The following LGI2 variants were observed in gnomAD, a reference collection of about 807,000 sequenced individuals.
The protein encoded by LGI2 is leucine-rich repeat LGI family member 2.
A neutral mutation model predicts 52.0 loss-of-function variants in LGI2; 30 were observed. The observed-to-expected ratio is 0.58, with a 90% CI of 0.43 to 0.78. The LOEUF (loss-of-function observed/expected upper bound fraction) is 0.78, where lower values mean the gene tolerates loss of function less well. Ranked by LOEUF, LGI2 falls within the 30% of genes least tolerant of loss-of-function variation. LGI2 has a pLI of 0.00. For synonymous variants in LGI2, 270 were observed against 271.8 expected, an observed-to-expected ratio of 0.99 and a Z score of 0.06; for missense variants, 573 against 692.5, an observed-to-expected ratio of 0.83 and a Z score of 1.94.
chr4:24,998,734 CAG>C (rs1288757147), downstream of LGI2: 1 of 152,132 alleles, frequency 6.6e-6, no homozygotes, highest in Non-Finnish European at 1.5e-5. Flanking sequence ...TCCATCTAAA[CAG>C]AGAGTGAGCT....
intron 6 of LGI2, among the ~76,000 whole-genome samples, chr4:25,013,764 T>C (rs543071626): frequency 5.9e-5 from 9 of 152,322 alleles, no homozygotes; most frequent in African/African-American, 2.2e-4. Flanking sequence ...TAGTATTCAG[T>C]TGCCTACTTG....
chr4:25,017,902 C>T lies in LGI2; in HGVS notation c.655+87G>A, dbSNP rs922883479. 2.8e-4 allele frequency: 334 copies of T among 1,203,248 alleles called. 2 individuals are homozygous for T. Among genetic ancestry groups the T allele is most frequent in the Admixed American group, 3.3e-4 (12 of 36,410 alleles). The allele number at this position is 1,203,248 out of a possible 1,614,324, so 74.5% of individuals were successfully genotyped here. On this transcript the variant is annotated intron_variant, in intron 6 of 7. Transcript: ENST00000382114. ...ATTTTGATAAACAGTTCTATATTCA[C>T]TTTTCCCCAGTCTCTGTTGACAGTG...
At chr4:24,997,879 G>A (rs957359072), downstream of LGI2, among the ~76,000 whole-genome samples, 4 of 147,550 alleles carry the variant, frequency 2.7e-5, no homozygotes, top group Non-Finnish European at 4.5e-5. Flanking sequence ...TTGTGATGCA[G>A]AACATTTTTT....
At chr4:25,027,076 T>G (rs1019543932) in intron 2 of LGI2, 137 bp from the exon 3 acceptor site, 1 of 664,694 alleles carries the variant, frequency 1.5e-6, no homozygotes, top group South Asian at 1.9e-5. Context: ...CACATTTTGT[T>G]GTCAAAAACC....
rs1363695038 is a variant in LGI2 at position 25,000,550 on chromosome 4, T to C, written c.*2901A>G. ...ATGTCTAAGAGTTATTTTTAGAGTCTTGATAATAGACCCATTCCCGACCCC... is the reference window on the plus strand; with the variant it reads ...ATGTCTAAGAGTTATTTTTAGAGTCCTGATAATAGACCCATTCCCGACCCC... On this transcript the variant is annotated 3_prime_UTR_variant, in exon 8 of 8. Coordinates refer to ENST00000382114, the MANE Select transcript of LGI2 (RefSeq NM_018176.4). 1 of 152,264 alleles carries C rather than the reference T, an allele frequency of 6.6e-6. No homozygotes were observed. Among genetic ancestry groups the C allele is most frequent in the African/African-American group, 2.4e-5 (1 of 41,464 alleles). 9.4% of individuals were successfully genotyped at this position (152,264 alleles called of 1,614,324 possible).
rs75338876 is a variant in LGI2 at position 25,016,995 on chromosome 4, C to G, written c.655+994G>C. ...TTCCAATGGAGATACTCACCAATACCTTTGGCCCCATGTTGTGACAGTGGA... is the reference window on the plus strand; with the variant it reads ...TTCCAATGGAGATACTCACCAATACGTTTGGCCCCATGTTGTGACAGTGGA... On this transcript the variant is annotated intron_variant, in intron 6 of 7. Transcript: ENST00000382114. Among the ~76,000 whole-genome samples, 7 of 152,242 alleles carry G rather than the reference C, an allele frequency of 4.6e-5. No homozygotes were observed. In the East Asian group the frequency reaches 1.4e-3, roughly 29 times the overall value.
chr4:25,000,642 A>C lies in LGI2; in HGVS notation c.*2809T>G, dbSNP rs1725211455. ...AGCCACATGGCCGCACAGAGGGATC[A>C]GTCCAGGAGCCTCGCCACAAAGTTC... On this transcript the variant is annotated 3_prime_UTR_variant, in exon 8 of 8. Transcript: ENST00000382114. 6.6e-6 allele frequency: 1 copy of C among 152,224 alleles called. No homozygotes were observed. Among genetic ancestry groups the C allele is most frequent in the South Asian group, 2.1e-4 (1 of 4,826 alleles). The allele number at this position is 152,224 out of a possible 1,614,324, so 9.4% of individuals were successfully genotyped here. A position where few individuals can be genotyped will look rare whatever the true frequency, so the allele number is the denominator to read the frequency against.
Position 25,007,578 on chromosome 4 carries a change from A to AGTGTGTGTGT in LGI2, c.821-3320_821-3311dup, listed in dbSNP as rs3066687. On this transcript the variant is annotated intron_variant, in intron 7 of 7. Coordinates refer to ENST00000382114, the MANE Select transcript of LGI2 (RefSeq NM_018176.4). Reference sequence around the variant, plus strand: ...TGGAGTTGTCAGTAGCAGACAGATCAGTGTGTGTGTGTGTGTGTGTGTGTG... The same window carrying AGTGTGTGTGT: ...TGGAGTTGTCAGTAGCAGACAGATCAGTGTGTGTGTGTGTGTGTGTGTGTGTGTGTGTGTG... 1.1e-3 allele frequency among the ~76,000 whole-genome samples: 151 copies of AGTGTGTGTGT among 142,340 alleles called. 2 individuals are homozygous for AGTGTGTGTGT. The highest frequency in any genetic ancestry group is 6.2e-3 in the Admixed American group (88 of 14,126). 93.4% of individuals were successfully genotyped at this position (142,340 alleles called of 152,430 possible). A position where few individuals can be genotyped will look rare whatever the true frequency, so the allele number is the denominator to read the frequency against.
intron 4 of LGI2, among the ~76,000 whole-genome samples, 193 bp downstream of exon 4, chr4:25,024,627 T>C (rs969111646): frequency 3.3e-5 from 5 of 152,224 alleles, no homozygotes; most frequent in Non-Finnish European, 7.3e-5. Context: ...TTCAGGTTGA[T>C]AGAGATGATA....
chr4:25,003,269 G>T lies in LGI2; in HGVS notation c.*182C>A, dbSNP rs1725299564. 3.7e-6 allele frequency: 2 copies of T among 534,168 alleles called. No homozygotes were observed. The highest frequency in any genetic ancestry group is 6.5e-6 in the Non-Finnish European group (2 of 307,984). 33.1% of individuals were successfully genotyped at this position (534,168 alleles called of 1,614,324 possible). On this transcript the variant is annotated 3_prime_UTR_variant, in exon 8 of 8. Coordinates refer to ENST00000382114, the MANE Select transcript of LGI2 (RefSeq NM_018176.4). ...AATGGTAGAATGGGCATGTCATGCA[G>T]TTAGCCAATAAATGCAATCCCTGAT...
rs776542710 is a variant in LGI2 at position 25,012,316 on chromosome 4, G to C, written c.820+19C>G. 6.2e-7 allele frequency: 1 copy of C among 1,613,748 alleles called. No individual in the cohort carries two copies. The highest frequency in any genetic ancestry group is 1.7e-5 in the Admixed American group (1 of 60,024). On this transcript the variant is annotated intron_variant, in intron 7 of 7. Coordinates refer to ENST00000382114, the MANE Select transcript of LGI2 (RefSeq NM_018176.4). The stretch of plus-strand genomic sequence containing the variant: ...ATGCTGAAATTAGTTCAACACATCT[G>C]ATCAAAGCCACAACACACCTGTAAT...
chr4:25,021,222 G>C (rs1433696846), intron 4 of LGI2, among the ~76,000 whole-genome samples: 1 of 152,032 alleles, frequency 6.6e-6, no homozygotes, highest in Non-Finnish European at 1.5e-5. Context: ...CTTAACACCT[G>C]CCTTTCCACT....
chr4:25,019,337 G>C, intron 4 of LGI2, 99 bp from the exon 5 acceptor site: 1 of 740,992 alleles, frequency 1.3e-6, no homozygotes, highest in Non-Finnish European at 2.3e-6. Flanking sequence ...CACGGCTTTG[G>C]TCATCAATAC....
Position 25,000,784 on chromosome 4 carries a change from T to C in LGI2, c.*2667A>G, listed in dbSNP as rs1725218346. The C allele has an allele frequency of 6.6e-6, 1 of 152,292 alleles. No individual in the cohort carries two copies. The highest frequency in any genetic ancestry group is 2.1e-4 in the South Asian group (1 of 4,838). The allele number at this position is 152,292 out of a possible 1,614,324, so 9.4% of individuals were successfully genotyped here. On this transcript the variant is annotated 3_prime_UTR_variant, in exon 8 of 8. Coordinates refer to ENST00000382114, the MANE Select transcript of LGI2 (RefSeq NM_018176.4). ...CCACTGGGGACGGTCCACATATTTC[T>C]CTGCTTTGCATTTTTGCTGTTGCTT...
intron 4 of LGI2, among the ~76,000 whole-genome samples, chr4:25,020,742 C>A (rs753970722): frequency 7.2e-5 from 11 of 152,172 alleles, no homozygotes; most frequent in Non-Finnish European, 1.0e-4. Flanking sequence ...TTCAGGACAC[C>A]AAGTTAATAT....
chr4:24,995,769 C>A (rs1269704880), downstream of LGI2, among the ~76,000 whole-genome samples: 1 of 152,228 alleles, frequency 6.6e-6, no homozygotes, highest in African/African-American at 2.4e-5. Flanking sequence ...AAGTATATTT[C>A]AAAACCACTG....
chr4:25,003,414 T>A lies in LGI2; in HGVS notation c.*37A>T. 1.4e-6 allele frequency: 2 copies of A among 1,400,430 alleles called. No homozygotes were observed. The highest frequency in any genetic ancestry group is 1.9e-6 in the Non-Finnish European group (2 of 1,027,282). The allele number at this position is 1,400,430 out of a possible 1,614,324, so 86.8% of individuals were successfully genotyped here. On this transcript the variant is annotated 3_prime_UTR_variant, in exon 8 of 8. Transcript: ENST00000382114. ...TTTCTTGGTCCTCTTTTGTGAGAGC[T>A]AATGCTACATTTCTCTTAGTTTCAC... is the stretch of plus-strand genomic sequence containing the variant.
At chr4:25,011,083 A>G (rs1247390418) in intron 7 of LGI2, among the ~76,000 whole-genome samples, 1 of 143,734 alleles carries the variant, frequency 7.0e-6, no homozygotes, top group Non-Finnish European at 1.5e-5. Flanking sequence ...GCCTGTCTCA[A>G]AAAAAAAAAA....
At chr4:25,023,856 T>C (rs1399195164) in intron 4 of LGI2, among the ~76,000 whole-genome samples, 1 of 152,230 alleles carries the variant, frequency 6.6e-6, no homozygotes. Context: ...CTATTTTTTC[T>C]AGTTTTATAA....
Sources: allele counts gnomAD v4.1 joint callset (sites outside exome capture counted in the v4.1 genomes callset), GRCh38; gene constraint gnomAD v4.1.1; transcripts MANE v1.5; gene names NCBI Gene and HGNC (gene_info 2026-07-23, HGNC 2026-07-21).